Variants in INO80C observed in about 807,000 individuals in gnomAD.
INO80C encodes INO80 complex subunit C.
Under a neutral mutation model 17.7 loss-of-function variants are expected in INO80C, and 17 were observed. The observed-to-expected ratio is 0.96, with a 90% CI of 0.66 to 1.44. The LOEUF (loss-of-function observed/expected upper bound fraction) is 1.44. INO80C is among the 40% of genes most tolerant of loss of function. The pLI, the probability that INO80C is intolerant of heterozygous loss-of-function variation, is 0.00. For missense variants in INO80C, 244 were observed against 245.0 expected (o/e 1.00, Z 0.03); for synonymous variants, 96 against 95.8 (o/e 1.00, Z -0.01).
intron 1 of INO80C, among the ~76,000 whole-genome samples, chr18:35,496,263 G>A (rs1017182272): frequency 6.6e-6 from 1 of 152,200 alleles, no homozygotes; most frequent in African/African-American, 2.4e-5. Context: ...AATATTCATC[G>A]GGTGTATGTT....
At chr18:35,495,752 T>C (rs2045974510) in intron 1 of INO80C, among the ~76,000 whole-genome samples, 1 of 152,148 alleles carries the variant, frequency 6.6e-6, no homozygotes, top group Non-Finnish European at 1.5e-5. Flanking sequence ...GAGCAATTAC[T>C]CACAATACAT....
chr18:35,478,886 CATG>C (rs1176743666), intron 3 of INO80C: 2 of 178,636 alleles, frequency 1.1e-5, no homozygotes, highest in Non-Finnish European at 2.3e-5. Flanking sequence ...CACACTGCAG[CATG>C]AAGTATTTAC....
At chr18:35,491,531 T>A (rs1567988504) in intron 1 of INO80C, among the ~76,000 whole-genome samples, 1 of 152,064 alleles carries the variant, frequency 6.6e-6, no homozygotes, top group Non-Finnish European at 1.5e-5. Flanking sequence ...CTTCTGAGAT[T>A]GTGGCAGGCT....
chr18:35,468,343 G>C lies in INO80C; in HGVS notation c.*268C>G. The C allele has an allele frequency of 7.8e-7, 1 of 1,277,684 alleles. No homozygotes were observed. The highest frequency in any genetic ancestry group is 1.5e-5 in the African/African-American group (1 of 66,772). The allele number at this position is 1,277,684 out of a possible 1,614,324, so 79.1% of individuals were successfully genotyped here. ...TTCAGGGACTTGGGATAAATGAAAA[G>C]TATGGTTTTATTGTATCTTCTTGTC... On this transcript the variant is annotated 3_prime_UTR_variant, in exon 5 of 5. Coordinates refer to ENST00000334598, the MANE Select transcript of INO80C (RefSeq NM_194281.4).
chr18:35,481,742 C>T (rs779120592), intron 1 of INO80C, among the ~76,000 whole-genome samples: 7 of 152,026 alleles, frequency 4.6e-5, no homozygotes, highest in South Asian at 2.1e-4. Context: ...AAATTAGCCA[C>T]GCATGGTGAT....
At chr18:35,480,636 G>C in intron 1 of INO80C, 73 bp from the exon 2 acceptor site, 1 of 1,129,384 alleles carries the variant, frequency 8.9e-7, no homozygotes, top group Admixed American at 1.7e-5. Flanking sequence ...GCTCTCAACA[G>C]GGCATACGAT....
chr18:35,471,079 G>A (rs752986412), intron 4 of INO80C, among the ~76,000 whole-genome samples: 1 of 152,366 alleles, frequency 6.6e-6, no homozygotes, highest in East Asian at 1.9e-4. Context: ...AGGCACAGGG[G>A]AAAGAGTCAC....
chr18:35,497,679 T>TCGCGACG, intron 1 of INO80C, 40 bp downstream of exon 1: 1 of 1,591,370 alleles, frequency 6.3e-7, no homozygotes, highest in Non-Finnish European at 8.6e-7. Flanking sequence ...AAGTCCCGTT[T>TCGCGACG]CGCGACGCGC....
intron 1 of INO80C, among the ~76,000 whole-genome samples, chr18:35,485,978 A>T (rs1386124871): frequency 6.6e-6 from 1 of 152,134 alleles, no homozygotes; most frequent in Non-Finnish European, 1.5e-5. Context: ...TAAAATAAAA[A>T]AGTAACCAGT....
At chr18:35,492,980 T>A (rs1321316412) in intron 1 of INO80C, among the ~76,000 whole-genome samples, 3 of 152,226 alleles carry the variant, frequency 2.0e-5, no homozygotes, top group Non-Finnish European at 4.4e-5. Context: ...ATTAATAATC[T>A]TCTAATATAC....
At chr18:35,497,269 C>T in intron 1 of INO80C, 1 of 938,600 alleles carries the variant, frequency 1.1e-6, no homozygotes, top group Middle Eastern at 5.5e-4. Flanking sequence ...CAAAAAAGCA[C>T]TTTTCTCAGG....
At chr18:35,479,885 C>CT (rs35108119) in intron 2 of INO80C, among the ~76,000 whole-genome samples, 3,026 of 136,652 alleles carry the variant, frequency 0.022, 78 homozygotes, top group African/African-American at 0.059. Flanking sequence ...CTAGGTACCT[C>CT]TTTTTTTTTT....
intron 4 of INO80C, among the ~76,000 whole-genome samples, chr18:35,470,153 G>C (rs2045652108): frequency 6.6e-6 from 1 of 152,148 alleles, no homozygotes; most frequent in African/African-American, 2.4e-5. Flanking sequence ...TGTGGACCTA[G>C]ACTCACAGTA....
chr18:35,484,933 G>T (rs2144066200), intron 1 of INO80C, among the ~76,000 whole-genome samples: 1 of 152,338 alleles, frequency 6.6e-6, no homozygotes. Flanking sequence ...GAATACCATA[G>T]ATTGGGTGGC....
intron 1 of INO80C, among the ~76,000 whole-genome samples, chr18:35,482,141 G>A (rs2045816588): frequency 2.0e-5 from 3 of 152,168 alleles, no homozygotes; most frequent in African/African-American, 7.2e-5. Flanking sequence ...GTAAGTGTAT[G>A]TTTAACTTTA....
At chr18:35,484,939 G>A (rs1299831691) in intron 1 of INO80C, among the ~76,000 whole-genome samples, 2 of 152,180 alleles carry the variant, frequency 1.3e-5, no homozygotes, top group Admixed American at 1.3e-4. Flanking sequence ...CATAGATTGG[G>A]TGGCTTATAT....
At chr18:35,496,429 C>T (rs1276841639) in intron 1 of INO80C, among the ~76,000 whole-genome samples, 2 of 152,160 alleles carry the variant, frequency 1.3e-5, no homozygotes, top group African/African-American at 4.8e-5. Context: ...GGTGGCTGAA[C>T]AGTGGGTAAC....
At chr18:35,495,459 G>A (rs2045971698) in intron 1 of INO80C, among the ~76,000 whole-genome samples, 2 of 152,172 alleles carry the variant, frequency 1.3e-5, no homozygotes, top group Non-Finnish European at 2.9e-5. Context: ...GACAAAAGAA[G>A]GCACTATTTC....
chr18:35,479,202 T>A (rs2045775463), intron 3 of INO80C, 98 bp downstream of exon 3: 1 of 745,674 alleles, frequency 1.3e-6, no homozygotes, highest in African/African-American at 1.8e-5. Context: ...AAAAATTATT[T>A]CCTACAATGA....
Sources: allele counts gnomAD v4.1 joint callset (sites outside exome capture counted in the v4.1 genomes callset), GRCh38; gene constraint gnomAD v4.1.1; transcripts MANE v1.5; gene names NCBI Gene and HGNC (gene_info 2026-07-23, HGNC 2026-07-21).